Variants in ERBB3 observed in about 807,000 individuals in gnomAD.
The protein encoded by ERBB3 is receptor tyrosine-protein kinase erbB-3.
ERBB3 carries 96 observed loss-of-function variants against 156.7 expected under a neutral mutation model. The ratio of observed to expected loss-of-function variants is 0.61; its 90% CI spans 0.52 to 0.73. The LOEUF is 0.73. ERBB3 is among the 30% of genes least tolerant of loss of function. The probability of loss-of-function intolerance (pLI) is 0.00; values close to 1 mark genes in which losing one functional copy is unlikely to be tolerated. For missense variants in ERBB3, 1,406 were observed against 1,709.4 expected, an observed-to-expected ratio of 0.82 and a Z score of 3.13; for synonymous variants, 567 against 632.0, an observed-to-expected ratio of 0.90 and a Z score of 1.54.
At chr12:56,095,117 A>T in intron 15 of ERBB3, 140 bp from the exon 16 acceptor site, 1 of 717,068 alleles carries the variant, frequency 1.4e-6, no homozygotes, top group Non-Finnish European at 2.6e-6. Context: ...CTGGAGGTGG[A>T]GGCCATGTCT....
In ERBB3 at chr12:56,102,346, A is replaced by C; in HGVS notation, c.*291A>C. 1 of 451,808 alleles carries C rather than the reference A, an allele frequency of 2.2e-6. No homozygotes were observed. Among genetic ancestry groups the C allele is most frequent in the East Asian group, 3.9e-5 (1 of 25,712 alleles). The allele number at this position is 451,808 out of a possible 1,614,324, so 28.0% of individuals were successfully genotyped here. On this transcript the variant is annotated 3_prime_UTR_variant, in exon 28 of 28. Transcript: ENST00000267101. ...TTCACAGGCACTCCTGGAGATATGA[A>C]GGATTACTCTCCATATCCCTTCCTC...
Position 56,102,529 on chromosome 12 carries a change from G to A in ERBB3, c.*474G>A. On this transcript the variant is annotated 3_prime_UTR_variant, in exon 28 of 28. Transcript: ENST00000267101. ...AAGACAGAAGCTTAAAATCTGTGAA[G>A]AAAGAGGTTAGGAGTAGATATTGAT... is the stretch of plus-strand genomic sequence containing the variant. 1 of 245,152 alleles carries A rather than the reference G, an allele frequency of 4.1e-6. No homozygotes were observed. The highest frequency in any genetic ancestry group is 5.9e-5 in the East Asian group (1 of 16,950). The allele number at this position is 245,152 out of a possible 1,614,324, so 15.2% of individuals were successfully genotyped here. A position where few individuals can be genotyped will look rare whatever the true frequency, so the allele number is the denominator to read the frequency against.
At chr12:56,090,071 A>C (rs924065356) in intron 9 of ERBB3, among the ~76,000 whole-genome samples, 2 of 150,688 alleles carry the variant, frequency 1.3e-5, no homozygotes, top group African/African-American at 2.4e-5. Context: ...GCTCACTGCA[A>C]CCTCCGCCTC....
In ERBB3 at chr12:56,092,833, G is replaced by A; in HGVS notation, c.1183+13G>A. The A allele has an allele frequency of 1.9e-6, 3 of 1,612,256 alleles. No individual in the cohort carries two copies. Among genetic ancestry groups the A allele is most frequent in the Non-Finnish European group, 2.5e-6 (3 of 1,178,286 alleles). ...CGGGAGATCACAGGTGAGTGGCAGA[G>A]AGTTTGCCCTTTCTAGAAGAATAGG... On this transcript the variant is annotated intron_variant, in intron 10 of 27. Coordinates refer to ENST00000267101, the MANE Select transcript of ERBB3 (RefSeq NM_001982.4).
At chr12:56,095,533 G>A in intron 16 of ERBB3, 132 bp from the exon 17 acceptor site, 2 of 1,172,408 alleles carry the variant, frequency 1.7e-6, no homozygotes, top group South Asian at 2.5e-5. Context: ...GGTCCCTTCA[G>A]TGCTTAAGGA....
chr12:56,090,404 G>A (rs547869059), intron 9 of ERBB3, among the ~76,000 whole-genome samples: 1 of 152,146 alleles, frequency 6.6e-6, no homozygotes. Context: ...GGCTGAGGCA[G>A]GTGGATCACT....
chr12:56,092,934 A>C, intron 10 of ERBB3, 52 bp from the exon 11 acceptor site: 1 of 1,561,806 alleles, frequency 6.4e-7, no homozygotes, highest in Non-Finnish European at 8.8e-7. Flanking sequence ...AGCCAGGAGA[A>C]CCCAAGAAAG....
chr12:56,086,063 CAAAAA>C (rs56926853), intron 3 of ERBB3, among the ~76,000 whole-genome samples: 4 of 89,412 alleles, frequency 4.5e-5, no homozygotes, highest in African/African-American at 4.8e-5. Flanking sequence ...AGCGAGACTC[CAAAAA>C]AAAAAAAAAA....
At position 56,097,273 on chromosome 12, in the gene ERBB3, C is replaced by A. The variant is rs1320133039; in HGVS notation, c.2460+43C>A. On this transcript the variant is annotated intron_variant, in intron 20 of 27. Coordinates refer to ENST00000267101, the MANE Select transcript of ERBB3 (RefSeq NM_001982.4). The stretch of plus-strand genomic sequence containing the variant: ...GAATTCTGTGATAAGAACTGCTTGT[C>A]TGGGGGCCAGCCAGGAAAAAGTGAG... 6.3e-7 allele frequency: 1 copy of A among 1,587,928 alleles called. No homozygotes were observed. The highest frequency in any genetic ancestry group is 8.6e-7 in the Non-Finnish European group (1 of 1,156,694).
Position 56,096,398 on chromosome 12 carries a change from T to A in ERBB3, c.2056-105T>A, listed in dbSNP as rs561443686. ...CAGGACTAACGGTGCTTCCTCTTCC[T>A]GCCCTTTCAGCTGTGCTGCTTTTGG... On this transcript the variant is annotated intron_variant, in intron 17 of 27. Transcript: ENST00000267101. 31 of 1,433,486 alleles carry A rather than the reference T, an allele frequency of 2.2e-5. No individual in the cohort carries two copies. In the South Asian group the frequency reaches 3.4e-4, roughly 16 times the overall value. The allele number at this position is 1,433,486 out of a possible 1,614,324, so 88.8% of individuals were successfully genotyped here.
intron 11 of ERBB3, 122 bp from the exon 12 acceptor site, chr12:56,093,223 A>C: frequency 8.6e-7 from 1 of 1,161,394 alleles, no homozygotes; most frequent in Non-Finnish European, 1.3e-6. Flanking sequence ...AGGCAAAAGG[A>C]GGGGGATTCC....
chr12:56,096,968 G>A, intron 19 of ERBB3, 77 bp from the exon 20 acceptor site: 1 of 1,432,836 alleles, frequency 7.0e-7, no homozygotes, highest in Non-Finnish European at 9.8e-7. Flanking sequence ...GGGGTGGGGG[G>A]GCCTGGGCTG....
At chr12:56,091,297 A>ATATAT (rs1565858524) in intron 9 of ERBB3, among the ~76,000 whole-genome samples, 1,051 of 53,304 alleles carry the variant, frequency 0.02, 38 homozygotes, top group Non-Finnish European at 0.036. Flanking sequence ...TATATATATA[A>ATATAT]ATAATATATA....
chr12:56,095,591 C>T, intron 16 of ERBB3, 74 bp from the exon 17 acceptor site: 1 of 1,572,422 alleles, frequency 6.4e-7, no homozygotes, highest in Non-Finnish European at 8.8e-7. Context: ...ATCATACCTT[C>T]AACACAAGTA....
chr12:56,099,753 G>C lies in ERBB3; in HGVS notation c.2937+8G>C, dbSNP rs760612025. On this transcript the variant is annotated splice_region_variant and intron_variant, in intron 24 of 27. Coordinates refer to ENST00000267101, the MANE Select transcript of ERBB3 (RefSeq NM_001982.4). Reference sequence around the variant, plus strand: ...CGGTATCTGGTCATAAAGGTGAGTAGGGAGTAGGAGGTGCTAAGGAAATTT... The same window carrying C: ...CGGTATCTGGTCATAAAGGTGAGTACGGAGTAGGAGGTGCTAAGGAAATTT... 5.6e-6 allele frequency: 9 copies of C among 1,613,258 alleles called. No homozygotes were observed. In the Admixed American group the frequency reaches 1.0e-4, roughly 18 times the overall value.
At position 56,085,400 on chromosome 12, in the gene ERBB3, G is replaced by A. The variant is rs1868445410; in HGVS notation, c.421+219G>A. On this transcript the variant is annotated intron_variant, in intron 3 of 27. Coordinates refer to ENST00000267101, the MANE Select transcript of ERBB3 (RefSeq NM_001982.4). ...AGGGAAAGGAACCCTGTGTCCTTGTGGGGCTGGAGTCAGAGCTGGATCTGT... is the reference window on the plus strand; with the variant it reads ...AGGGAAAGGAACCCTGTGTCCTTGTAGGGCTGGAGTCAGAGCTGGATCTGT... 2.8e-6 allele frequency: 4 copies of A among 1,440,804 alleles called. No homozygotes were observed. The South Asian group carries it at 4.6e-5, about 17-fold the overall frequency. The allele number at this position is 1,440,804 out of a possible 1,614,324, so 89.3% of individuals were successfully genotyped here.
intron 1 of ERBB3, chr12:56,083,289 A>G (rs1868377909): frequency 3.7e-6 from 1 of 271,088 alleles, no homozygotes; most frequent in South Asian, 4.1e-5. Flanking sequence ...AGTAGACACA[A>G]TAGGGGCTGT....
At chr12:56,099,445 C>G (rs1239556342) in intron 23 of ERBB3, among the ~76,000 whole-genome samples, 2 of 150,928 alleles carry the variant, frequency 1.3e-5, no homozygotes, top group African/African-American at 4.9e-5. Context: ...TAGGCGTGCA[C>G]CACCACGCCC....
chr12:56,084,557 C>T (rs1023301614), intron 2 of ERBB3, among the ~76,000 whole-genome samples: 28 of 139,944 alleles, frequency 2.0e-4, no homozygotes, highest in African/African-American at 6.3e-4. Context: ...CTGCAGTGAG[C>T]GAGATTGTGC....
Sources: allele counts gnomAD v4.1 joint callset (sites outside exome capture counted in the v4.1 genomes callset), GRCh38; gene constraint gnomAD v4.1.1; transcripts MANE v1.5; gene names NCBI Gene and HGNC (gene_info 2026-07-23, HGNC 2026-07-21).